HDAC9: variants seen among roughly 807,000 people sequenced by gnomAD.
The protein encoded by HDAC9 is histone deacetylase 9.
In HDAC9, 41 loss-of-function variants were observed where a neutral mutation model predicts 139.4. The observed-to-expected ratio is 0.29, with a 90% CI of 0.23 to 0.38. The LOEUF (loss-of-function observed/expected upper bound fraction) is 0.38. HDAC9 is among the 10% of genes least tolerant of loss of function. HDAC9 has a pLI of 1.00. For missense variants in HDAC9, 1,147 were observed against 1,297.0 expected (o/e 0.88, Z 1.78); for synonymous variants, 517 against 476.2 (o/e 1.09, Z -1.12).
chr7:18,797,743 C>T lies in HDAC9; in HGVS notation c.2322+4291C>T, dbSNP rs981837167. Among the ~76,000 whole-genome samples, 13 of 152,008 alleles carry T rather than the reference C, an allele frequency of 8.6e-5. No individual in the cohort carries two copies. The East Asian group carries it at 2.1e-3, about 25-fold the overall frequency. ...ATGTGGGAGGCTGAGACATGAGAAT[C>T]GCTTGAACCCAGGAGGCAGGGGTTA... On this transcript the variant is annotated intron_variant, in intron 17 of 25. Transcript: ENST00000686413.
intron 4 of HDAC9, 59 bp from the exon 5 acceptor site, chr7:18,591,457 A>T: frequency 1.3e-6 from 2 of 1,483,504 alleles, no homozygotes; most frequent in Non-Finnish European, 1.8e-6. Flanking sequence ...CACCATCAAC[A>T]TCTGTTTCTG....
chr7:18,335,342 T>A (rs941490835), intron 1 of HDAC9, among the ~76,000 whole-genome samples: 2 of 151,462 alleles, frequency 1.3e-5, no homozygotes, highest in African/African-American at 4.8e-5. Flanking sequence ...CAATCTTAGG[T>A]CCTAATCTTG....
intron 1 of HDAC9, among the ~76,000 whole-genome samples, chr7:18,349,759 C>G (rs1782711736): frequency 6.6e-6 from 1 of 151,558 alleles, no homozygotes; most frequent in Non-Finnish European, 1.5e-5. Flanking sequence ...AGGAATAGCA[C>G]TATGCAGAAA....
At chr7:18,117,434 C>A (rs1324838521) in intron 1 of HDAC9, among the ~76,000 whole-genome samples, 1 of 150,764 alleles carries the variant, frequency 6.6e-6, no homozygotes, top group African/African-American at 2.4e-5. Context: ...TGCAGTGAGC[C>A]GAGATCGCGC....
At chr7:18,198,705 AT>A (rs1377271171) in intron 2 of HDAC9, among the ~76,000 whole-genome samples, 1 of 152,176 alleles carries the variant, frequency 6.6e-6, no homozygotes, top group Non-Finnish European at 1.5e-5. Context: ...ACAATTTGAA[AT>A]ATGGTGAATT....
At chr7:18,836,242 T>TAGTTCTC (rs1391180283) in intron 21 of HDAC9, among the ~76,000 whole-genome samples, 1 of 152,202 alleles carries the variant, frequency 6.6e-6, no homozygotes, top group Non-Finnish European at 1.5e-5. Context: ...TATTATTAAA[T>TAGTTCTC]AGTTCTCTCT....
intron 1 of HDAC9, among the ~76,000 whole-genome samples, chr7:18,414,263 A>G (rs1166983817): frequency 6.6e-6 from 1 of 152,116 alleles, no homozygotes; most frequent in Non-Finnish European, 1.5e-5. Context: ...TATTTTGCAA[A>G]GATGTCACAA....
intron 21 of HDAC9, among the ~76,000 whole-genome samples, chr7:18,850,359 G>A (rs1797198404): frequency 6.6e-6 from 1 of 152,072 alleles, no homozygotes; most frequent in Non-Finnish European, 1.5e-5. Flanking sequence ...ACAGACCCTT[G>A]TACTTCTTGT....
chr7:18,350,642 C>G (rs1782779010), intron 1 of HDAC9, among the ~76,000 whole-genome samples: 1 of 152,104 alleles, frequency 6.6e-6, no homozygotes, highest in Non-Finnish European at 1.5e-5. Context: ...AAGTCTGTCC[C>G]ACTGGGAATG....
At chr7:18,450,426 C>A (rs1213834463) in intron 1 of HDAC9, among the ~76,000 whole-genome samples, 3 of 152,156 alleles carry the variant, frequency 2.0e-5, no homozygotes, top group African/African-American at 4.8e-5. Flanking sequence ...GACAAGGTGT[C>A]TCCAAAAAGG....
intron 22 of HDAC9, among the ~76,000 whole-genome samples, chr7:18,923,589 T>A (rs555345074): frequency 6.6e-6 from 1 of 152,222 alleles, no homozygotes; most frequent in East Asian, 1.9e-4. Context: ...TCTTGTCATC[T>A]TCTTTCAGAT....
intron 2 of HDAC9, among the ~76,000 whole-genome samples, chr7:18,524,750 T>C (rs1023780845): frequency 4.6e-5 from 7 of 151,910 alleles, no homozygotes; most frequent in Admixed American, 3.9e-4. Flanking sequence ...GGATATGAGT[T>C]ATATAGCACT....
intron 1 of HDAC9, among the ~76,000 whole-genome samples, chr7:18,305,527 C>T (rs1391032228): frequency 6.6e-6 from 1 of 152,130 alleles, no homozygotes; most frequent in East Asian, 1.9e-4. Context: ...TTCCACTGTA[C>T]CAACCCATAT....
intron 1 of HDAC9, among the ~76,000 whole-genome samples, chr7:18,405,178 T>A (rs1382821446): frequency 6.6e-6 from 1 of 152,168 alleles, no homozygotes; most frequent in African/African-American, 2.4e-5. Flanking sequence ...CAAAATAACA[T>A]TATTTGAGGA....
intron 1 of HDAC9, among the ~76,000 whole-genome samples, chr7:18,395,821 GA>G (rs1786977103): frequency 6.6e-6 from 1 of 151,992 alleles, no homozygotes. Context: ...AAAAAGTTTT[GA>G]TCTGTAGAAT....
intron 1 of HDAC9, among the ~76,000 whole-genome samples, chr7:18,343,561 A>G (rs781600563): frequency 6.6e-6 from 1 of 151,926 alleles, no homozygotes; most frequent in Admixed American, 6.6e-5. Flanking sequence ...GCGATTTTTT[A>G]AACTCAAAAT....
At chr7:18,786,454 TTTCCTTCCTTCC>T (rs56987209) in intron 16 of HDAC9, among the ~76,000 whole-genome samples, 2 of 52,204 alleles carry the variant, frequency 3.8e-5, no homozygotes, top group Admixed American at 2.0e-4. Context: ...CCCATCGCCC[TTTCCTTCCTTCC>T]TTTCGTCCTT....
At chr7:18,222,650 A>T (rs17138794) in intron 2 of HDAC9, among the ~76,000 whole-genome samples, 32,519 of 152,026 alleles carry the variant, frequency 0.21, 3,614 homozygotes, top group Non-Finnish European at 0.23. Flanking sequence ...TGCAAATGTA[A>T]ACCTCTATTG....
chr7:18,802,353 A>G (rs764734250), intron 17 of HDAC9, among the ~76,000 whole-genome samples: 5 of 151,980 alleles, frequency 3.3e-5, no homozygotes, highest in African/African-American at 7.2e-5. Context: ...CAATTTAAAT[A>G]TAAGACATTC....
Sources: gnomAD v4.1 joint callset for allele counts (sites outside exome capture counted in the v4.1 genomes callset) on GRCh38, gnomAD v4.1.1 for gene constraint, MANE v1.5 for transcripts, NCBI Gene and HGNC (gene_info 2026-07-23, HGNC 2026-07-21) for gene names.